P4HA1: variants seen among roughly 807,000 people sequenced by gnomAD.
The protein encoded by P4HA1 is prolyl 4-hydroxylase subunit alpha-1.
P4HA1 carries 24 observed loss-of-function variants against 72.8 expected under a neutral mutation model. That is an observed-to-expected ratio of 0.33 (90% CI 0.24 to 0.46). The LOEUF is 0.46. Ranked by LOEUF, P4HA1 falls within the 20% of genes least tolerant of loss-of-function variation. P4HA1 has a pLI of 1.00. For missense variants in P4HA1, 446 were observed against 640.6 expected (o/e 0.70, Z 3.28); for synonymous variants, 201 against 218.8 (o/e 0.92, Z 0.72).
At chr10:73,038,451 T>A (rs1040172704) in intron 9 of P4HA1, among the ~76,000 whole-genome samples, 2 of 152,026 alleles carry the variant, frequency 1.3e-5, no homozygotes, top group Non-Finnish European at 2.9e-5. Context: ...TTTGCATAGG[T>A]CATTATTTAT....
At chr10:73,081,188 T>C (rs1841813060) in intron 1 of P4HA1, among the ~76,000 whole-genome samples, 1 of 151,894 alleles carries the variant, frequency 6.6e-6, no homozygotes, top group Admixed American at 6.6e-5. Flanking sequence ...TCAGATAGCA[T>C]CCCTGAAAAG....
intron 10 of P4HA1, among the ~76,000 whole-genome samples, chr10:73,025,776 A>G (rs1434991829): frequency 6.6e-6 from 1 of 152,236 alleles, no homozygotes; most frequent in Non-Finnish European, 1.5e-5. Flanking sequence ...CTCAGGATAC[A>G]AAATCAATGT....
chr10:73,088,086 G>A (rs1250146990), intron 1 of P4HA1, among the ~76,000 whole-genome samples: 1 of 151,508 alleles, frequency 6.6e-6, no homozygotes, highest in Non-Finnish European at 1.5e-5. Context: ...AATAGAAACG[G>A]GTCTCACTCT....
rs1453184879 is a variant in P4HA1, at chr10:73,007,975, A to G, written c.*247T>C. The stretch of plus-strand genomic sequence containing the variant: ...CTTTAAATATAAAATTCCTCACTTT[A>G]AACTCTGCCTTGTCTTCTGTGATAC... On this transcript the variant is annotated 3_prime_UTR_variant, in exon 15 of 15. Coordinates refer to ENST00000394890, the MANE Select transcript of P4HA1 (RefSeq NM_001017962.3). 7 of 241,272 alleles carry G rather than the reference A, an allele frequency of 2.9e-5. No individual in the cohort carries two copies. The African/African-American group carries it at 4.2e-4, about 15-fold the overall frequency. The allele number at this position is 241,272 out of a possible 1,614,324, so 14.9% of individuals were successfully genotyped here. A position where few individuals can be genotyped will look rare whatever the true frequency, so the allele number is the denominator to read the frequency against.
intron 9 of P4HA1, among the ~76,000 whole-genome samples, chr10:73,037,561 ATATATATATATTTT>A (rs1201288469): frequency 1.5e-4 from 5 of 33,418 alleles, no homozygotes; most frequent in African/African-American, 5.1e-4. Context: ...ATATATATAT[ATATATATATATTTT>A]TTTTTTTTTT....
intron 9 of P4HA1, among the ~76,000 whole-genome samples, chr10:73,041,153 G>C (rs1370727887): frequency 6.6e-6 from 1 of 151,990 alleles, no homozygotes; most frequent in Non-Finnish European, 1.5e-5. Flanking sequence ...CTTCTAATGG[G>C]GTTCAGGACA....
chr10:73,022,138 T>A (rs1329430429), intron 10 of P4HA1, among the ~76,000 whole-genome samples: 2 of 152,218 alleles, frequency 1.3e-5, no homozygotes, highest in Admixed American at 1.3e-4. Context: ...AAGAGAGCAG[T>A]GGTTCTCCCA....
At chr10:73,090,487 AT>A (rs1004337684) in intron 1 of P4HA1, among the ~76,000 whole-genome samples, 4 of 152,098 alleles carry the variant, frequency 2.6e-5, no homozygotes, top group Admixed American at 1.3e-4. Context: ...TTGTACTGAT[AT>A]TTTTTTAAGT....
At chr10:73,077,754 GAGGA>G (rs1302653669) in intron 1 of P4HA1, among the ~76,000 whole-genome samples, 5 of 151,638 alleles carry the variant, frequency 3.3e-5, no homozygotes, top group African/African-American at 1.2e-4. Context: ...GCCAAGGAAA[GAGGA>G]TCACTTGAGC....
Position 73,036,183 on chromosome 10 carries a change from G to A in P4HA1, c.1149-5813C>T, listed in dbSNP as rs562618354. Among the ~76,000 whole-genome samples, 40 of 130,410 alleles carry A rather than the reference G, an allele frequency of 3.1e-4. 1 individual carries two copies. The East Asian group carries it at 8.7e-3, about 28-fold the overall frequency. 85.6% of individuals were successfully genotyped at this position (130,410 alleles called of 152,430 possible). On this transcript the variant is annotated intron_variant, in intron 9 of 14. Coordinates refer to ENST00000394890, the MANE Select transcript of P4HA1 (RefSeq NM_001017962.3). ...GTCTGGGCAACAAGAGCAAAACTCC[G>A]TCTCAAAAAAAAAAAAAAAAATCTT...
At chr10:73,094,647 C>T (rs1842121984) in intron 1 of P4HA1, among the ~76,000 whole-genome samples, 1 of 152,172 alleles carries the variant, frequency 6.6e-6, no homozygotes, top group Non-Finnish European at 1.5e-5. Flanking sequence ...TGTCCCAGCT[C>T]TTGCTGCATC....
intron 10 of P4HA1, among the ~76,000 whole-genome samples, chr10:73,025,599 G>C (rs1840247129): frequency 6.6e-6 from 1 of 151,970 alleles, no homozygotes; most frequent in Non-Finnish European, 1.5e-5. Context: ...CATAGTGTTG[G>C]AAGTTCTGGC....
chr10:73,055,763 T>C (rs1231221123), intron 5 of P4HA1, among the ~76,000 whole-genome samples: 1 of 152,200 alleles, frequency 6.6e-6, no homozygotes, highest in African/African-American at 2.4e-5. Context: ...ACTGAAGAAA[T>C]TAAAACCACC....
intron 10 of P4HA1, among the ~76,000 whole-genome samples, chr10:73,019,569 T>C (rs1840086021): frequency 1.3e-5 from 2 of 151,086 alleles, no homozygotes; most frequent in African/African-American, 4.9e-5. Context: ...CAAAGAAAGA[T>C]ATCATAAAAA....
chr10:73,017,171 G>A (rs111661643), intron 10 of P4HA1, among the ~76,000 whole-genome samples: 3 of 133,420 alleles, frequency 2.2e-5, no homozygotes, highest in African/African-American at 7.3e-5. Context: ...ATCTACAGAT[G>A]TATATATAGA....
intron 1 of P4HA1, among the ~76,000 whole-genome samples, chr10:73,081,806 T>C (rs1373160621): frequency 2.6e-5 from 4 of 152,156 alleles, no homozygotes; most frequent in Non-Finnish European, 5.9e-5. Context: ...AGGCGGAGGC[T>C]GGCGGATCAC....
chr10:73,080,606 C>T (rs1162117434), intron 1 of P4HA1, among the ~76,000 whole-genome samples: 2 of 152,142 alleles, frequency 1.3e-5, no homozygotes, highest in African/African-American at 2.4e-5. Context: ...AATAGCCAAA[C>T]GTATCAATCA....
At chr10:73,056,970 G>A (rs1413938631) in intron 5 of P4HA1, among the ~76,000 whole-genome samples, 2 of 149,054 alleles carry the variant, frequency 1.3e-5, no homozygotes, top group African/African-American at 4.9e-5. Flanking sequence ...TGTGGCAGGA[G>A]AATGGTGTGA....
intron 1 of P4HA1, among the ~76,000 whole-genome samples, chr10:73,087,682 G>A (rs1007752303): frequency 4.0e-5 from 6 of 151,770 alleles, no homozygotes; most frequent in Admixed American, 1.3e-4. Context: ...TAGAGATGGG[G>A]TCTTGCTATG....
Sources: allele counts gnomAD v4.1 joint callset (sites outside exome capture counted in the v4.1 genomes callset), GRCh38; gene constraint gnomAD v4.1.1; transcripts MANE v1.5; gene names NCBI Gene and HGNC (gene_info 2026-07-23, HGNC 2026-07-21).